Variants in JMJD1C observed in about 807,000 individuals in gnomAD.
JMJD1C encodes jumonji domain-containing protein 1C.
JMJD1C carries 31 observed loss-of-function variants against 245.3 expected under a neutral mutation model. The observed-to-expected ratio is 0.13, with a 90% CI of 0.09 to 0.17. The LOEUF (loss-of-function observed/expected upper bound fraction) is 0.17. Ranked by LOEUF, JMJD1C falls within the 10% of genes least tolerant of loss-of-function variation. JMJD1C has a pLI of 1.00. For synonymous variants in JMJD1C, 1,057 were observed against 1,017.4 expected, an observed-to-expected ratio of 1.04 and a Z score of -0.74; for missense variants, 2,691 against 3,000.2, an observed-to-expected ratio of 0.90 and a Z score of 2.41.
At chr10:63,453,770 G>A (rs756656773) in intron 1 of JMJD1C, among the ~76,000 whole-genome samples, 2 of 152,034 alleles carry the variant, frequency 1.3e-5, no homozygotes, top group Non-Finnish European at 2.9e-5. Flanking sequence ...ATAGAGTCTC[G>A]CTCTGTTGCC....
chr10:63,364,587 G>C (rs1945687884), intron 2 of JMJD1C, among the ~76,000 whole-genome samples: 1 of 152,128 alleles, frequency 6.6e-6, no homozygotes. Context: ...TTGGGCTCAA[G>C]AAATCCTCCC....
At position 63,408,152 on chromosome 10, in the gene JMJD1C, C is replaced by T. The variant is rs536171077; in HGVS notation, c.169-27670G>A. On this transcript the variant is annotated intron_variant, in intron 1 of 25. Coordinates refer to ENST00000399262, the MANE Select transcript of JMJD1C (RefSeq NM_032776.3). The stretch of plus-strand genomic sequence containing the variant: ...GGTGCAGTGGCTCATGCCTGTAATC[C>T]CAGCACTATGGGAGGCCGAGGCAGG... 3.3e-5 allele frequency among the ~76,000 whole-genome samples: 5 copies of T among 152,168 alleles called. 1 individual carries two copies. In the South Asian group the frequency reaches 1.0e-3, roughly 32 times the overall value.
At chr10:63,198,777 A>G in intron 11 of JMJD1C, 50 bp from the exon 12 acceptor site, 1 of 1,069,280 alleles carries the variant, frequency 9.4e-7, no homozygotes, top group Admixed American at 2.5e-5. Flanking sequence ...TTAAAACATA[A>G]GTCCAGTCTT....
chr10:63,287,178 C>A (rs1858083590), intron 2 of JMJD1C, among the ~76,000 whole-genome samples: 1 of 152,154 alleles, frequency 6.6e-6, no homozygotes, highest in African/African-American at 2.4e-5. Flanking sequence ...GTGGTAAAAC[C>A]AGCTTGGCAG....
chr10:63,409,749 A>G (rs759734261), intron 1 of JMJD1C, among the ~76,000 whole-genome samples: 19 of 152,314 alleles, frequency 1.2e-4, no homozygotes, highest in South Asian at 6.2e-4. Flanking sequence ...GTGGGAGACC[A>G]GCGAAGCATT....
At chr10:63,223,092 T>C (rs916256068) in intron 3 of JMJD1C, 26 of 784,844 alleles carry the variant, frequency 3.3e-5, no homozygotes, top group Admixed American at 8.3e-5. Context: ...TAAAATTTCA[T>C]AGTAAAACTT....
chr10:63,179,859 AG>A (rs955324211), intron 22 of JMJD1C, among the ~76,000 whole-genome samples: 1 of 152,146 alleles, frequency 6.6e-6, no homozygotes, highest in African/African-American at 2.4e-5. Flanking sequence ...AAAAAAACTC[AG>A]AAAGTCAAAT....
rs937524182 is a variant in JMJD1C at position 63,197,547 on chromosome 10, T to C, written c.5508A>G (p.Lys1836=). 3 of 1,548,638 alleles carry C rather than the reference T, an allele frequency of 1.9e-6. No homozygotes were observed. The highest frequency in any genetic ancestry group is 2.4e-5 in the East Asian group (1 of 42,528). ...WVKKDAKIAW[K]RAVRGVREMC... is the part of the protein sequence containing the mutation. ...TCTCCCGGACTCCTCTCACTGCTCT[T>C]TTCCAGGCAATTTTGGCTGAAATAC... Residue 1836 remains lysine (K), a synonymous_variant, in exon 13 of 26, where the codon AAA becomes AAG. Transcript: ENST00000399262.
chr10:63,435,574 G>C (rs1008987109), intron 1 of JMJD1C, among the ~76,000 whole-genome samples: 4 of 152,110 alleles, frequency 2.6e-5, no homozygotes, highest in Admixed American at 6.6e-5. Context: ...GTCCCACATA[G>C]TGACTCCTGA....
Position 63,388,637 on chromosome 10 carries a change from G to C in JMJD1C, c.169-8155C>G, listed in dbSNP as rs546001016. ...CACCAAACCACAATGTTAACAAGAAGAGAGAAAGGAACAATGAATACACAA... is the reference window on the plus strand; with the variant it reads ...CACCAAACCACAATGTTAACAAGAACAGAGAAAGGAACAATGAATACACAA... On this transcript the variant is annotated intron_variant, in intron 1 of 25. Transcript: ENST00000399262. 4.6e-5 allele frequency among the ~76,000 whole-genome samples: 7 copies of C among 152,226 alleles called. No homozygotes were observed. The South Asian group carries it at 1.4e-3, about 32-fold the overall frequency.
chr10:63,282,309 T>G (rs1475118832), intron 2 of JMJD1C, among the ~76,000 whole-genome samples: 1 of 152,216 alleles, frequency 6.6e-6, no homozygotes, highest in Non-Finnish European at 1.5e-5. Context: ...TTTTTGCATA[T>G]TTAGAAGATT....
chr10:63,391,953 T>C (rs183328650), intron 1 of JMJD1C, among the ~76,000 whole-genome samples: 103 of 152,328 alleles, frequency 6.8e-4, no homozygotes, highest in African/African-American at 2.4e-3. Context: ...ATTAAAATCA[T>C]GTACTAACCA....
chr10:63,453,238 G>A (rs1286716067), intron 1 of JMJD1C, among the ~76,000 whole-genome samples: 2 of 152,168 alleles, frequency 1.3e-5, no homozygotes, highest in Non-Finnish European at 2.9e-5. Flanking sequence ...TGGCGCCACT[G>A]CACTCCAGCC....
intron 10 of JMJD1C, chr10:63,204,008 A>G (rs1846315430): frequency 1.0e-6 from 1 of 981,484 alleles, no homozygotes; most frequent in Admixed American, 6.2e-5. Flanking sequence ...TTCTGTGCTC[A>G]GGAGACTGAG....
At chr10:63,174,218 A>G (rs1842661615) in intron 24 of JMJD1C, among the ~76,000 whole-genome samples, 1 of 152,258 alleles carries the variant, frequency 6.6e-6, no homozygotes, top group African/African-American at 2.4e-5. Flanking sequence ...ATCTTTGTTC[A>G]CATAAAACCA....
At chr10:63,430,084 C>A (rs939517977) in intron 1 of JMJD1C, among the ~76,000 whole-genome samples, 7 of 152,156 alleles carry the variant, frequency 4.6e-5, no homozygotes, top group Non-Finnish European at 1.0e-4. Context: ...GGTTCCAAGA[C>A]AACTCAATGG....
intron 1 of JMJD1C, among the ~76,000 whole-genome samples, chr10:63,411,862 C>T (rs1332116215): frequency 1.3e-5 from 2 of 151,952 alleles, no homozygotes; most frequent in East Asian, 3.9e-4. Context: ...CTTGGCCTCC[C>T]AAAGTGCTGG....
At chr10:63,210,378 CCTTT>C in intron 8 of JMJD1C, among the ~76,000 whole-genome samples, 1 of 152,178 alleles carries the variant, frequency 6.6e-6, no homozygotes, top group East Asian at 1.9e-4. Context: ...CAAATTTACT[CCTTT>C]ATGTTGTAAT....
At chr10:63,351,289 T>A (rs983774390) in intron 2 of JMJD1C, among the ~76,000 whole-genome samples, 4 of 151,948 alleles carry the variant, frequency 2.6e-5, no homozygotes, top group Non-Finnish European at 5.9e-5. Context: ...TTATTCACAA[T>A]GTTGGCCAGG....
Sources: gnomAD v4.1 joint callset for allele counts (sites outside exome capture counted in the v4.1 genomes callset) on GRCh38, gnomAD v4.1.1 for gene constraint, MANE v1.5 for transcripts, NCBI Gene and HGNC (gene_info 2026-07-23, HGNC 2026-07-21) for gene names.